RBM26: variants seen among roughly 807,000 people sequenced by gnomAD.
RBM26 encodes the protein RNA binding motif protein 26.
RBM26 carries 30 observed loss-of-function variants against 123.6 expected under a neutral mutation model. The ratio of observed to expected loss-of-function variants is 0.24; its 90% confidence interval spans 0.18 to 0.33. RBM26 has a LOEUF of 0.33. Among genes scored for constraint, RBM26 ranks in the 10% least tolerant of loss-of-function variants. RBM26 has a pLI of 1.00. For missense variants in RBM26, 947 were observed against 1,203.6 expected (o/e 0.79, Z 3.15); for synonymous variants, 400 against 404.4 (o/e 0.99, Z 0.13).
chr13:79,343,026 G>A (rs1264377010), intron 16 of RBM26, among the ~76,000 whole-genome samples, 195 bp from the exon 17 acceptor site: 1 of 151,560 alleles, frequency 6.6e-6, no homozygotes, highest in Non-Finnish European at 1.5e-5. Flanking sequence ...CTCAACTCAA[G>A]TTTTACTCTT....
intron 1 of RBM26, among the ~76,000 whole-genome samples, chr13:79,382,796 TAG>T (rs1324474597): frequency 2.0e-5 from 3 of 152,150 alleles, no homozygotes; most frequent in Admixed American, 6.6e-5. Context: ...TCCTATGCAG[TAG>T]AGTGTTAGTG....
intron 3 of RBM26, among the ~76,000 whole-genome samples, chr13:79,373,188 TATATAAAATATATAAAA>T (rs1472493743): frequency 9.2e-6 from 1 of 109,268 alleles, no homozygotes; most frequent in Non-Finnish European, 1.7e-5. Flanking sequence ...TTTATATAAA[TATATAAAATATATAAAA>T]ATATATAAAT....
intron 20 of RBM26, among the ~76,000 whole-genome samples, chr13:79,331,185 G>A (rs548587123): frequency 1.0e-3 from 156 of 152,128 alleles, no homozygotes; most frequent in Non-Finnish European, 1.9e-3. Context: ...TGATTTTTTG[G>A]TAGAGATGGG....
intron 1 of RBM26, among the ~76,000 whole-genome samples, chr13:79,403,090 CA>C (rs1214237865): frequency 0.011 from 1,336 of 120,526 alleles, 8 homozygotes; most frequent in African/African-American, 0.021. Flanking sequence ...AATGTTAAAG[CA>C]AAAAAAAAAA....
intron 1 of RBM26, among the ~76,000 whole-genome samples, chr13:79,402,140 A>AATT (rs983500387): frequency 2.6e-5 from 4 of 152,088 alleles, no homozygotes; most frequent in African/African-American, 7.2e-5. Context: ...AAAGGAGCTT[A>AATT]ATTTTTTTTT....
intron 20 of RBM26, among the ~76,000 whole-genome samples, chr13:79,325,362 CTG>C (rs2068224943): frequency 1.3e-5 from 2 of 151,924 alleles, no homozygotes; most frequent in Non-Finnish European, 2.9e-5. Flanking sequence ...CCTATGACAG[CTG>C]TGTGTGTGTT....
chr13:79,398,901 A>T (rs976554386), intron 1 of RBM26, among the ~76,000 whole-genome samples: 1 of 152,194 alleles, frequency 6.6e-6, no homozygotes, highest in Non-Finnish European at 1.5e-5. Flanking sequence ...TTGAAATTTC[A>T]ACTAACGCAT....
chr13:79,328,261 T>G (rs2068737536), intron 20 of RBM26, among the ~76,000 whole-genome samples: 1 of 152,056 alleles, frequency 6.6e-6, no homozygotes, highest in African/African-American at 2.4e-5. Flanking sequence ...GAAAGCTAGT[T>G]TAATTAAAAC....
At chr13:79,321,011 G>A (rs2067605751) in intron 21 of RBM26, among the ~76,000 whole-genome samples, 1 of 150,854 alleles carries the variant, frequency 6.6e-6, no homozygotes, top group Non-Finnish European at 1.5e-5. Flanking sequence ...TTAAAATATT[G>A]GTCAAACTTT....
chr13:79,381,485 ACT>A (rs2140268818), intron 1 of RBM26, among the ~76,000 whole-genome samples: 1 of 152,070 alleles, frequency 6.6e-6, no homozygotes, highest in Admixed American at 6.6e-5. Context: ...TTCAGTCTAC[ACT>A]GAGTCTAAAT....
At chr13:79,362,466 C>G (rs901897032) in intron 9 of RBM26, among the ~76,000 whole-genome samples, 2 of 152,136 alleles carry the variant, frequency 1.3e-5, no homozygotes, top group Admixed American at 1.3e-4. Flanking sequence ...CTTACAGTCA[C>G]AAAATTCCTT....
intron 9 of RBM26, among the ~76,000 whole-genome samples, chr13:79,363,889 A>G (rs150840590): frequency 6.6e-6 from 1 of 152,340 alleles, no homozygotes; most frequent in Non-Finnish European, 1.5e-5. Flanking sequence ...GTAAAATGTT[A>G]ATTGAAGTGG....
chr13:79,348,316 C>CCT (rs1184549624), intron 14 of RBM26, among the ~76,000 whole-genome samples: 1 of 151,994 alleles, frequency 6.6e-6, no homozygotes, highest in Non-Finnish European at 1.5e-5. Flanking sequence ...AGCACTAATA[C>CCT]CTCTTATTTT....
intron 1 of RBM26, among the ~76,000 whole-genome samples, chr13:79,403,476 G>A (rs931632650): frequency 7.2e-5 from 11 of 152,142 alleles, no homozygotes; most frequent in African/African-American, 2.7e-4. Flanking sequence ...GGAGGGATAC[G>A]GCAGTAAATC....
Position 79,366,160 on chromosome 13 carries a change from C to T in RBM26, c.1171G>A (p.Gly391Ser). Residue 391 changes from glycine (G) to serine (S), a missense_variant, in exon 8 of 22, where the codon GGC becomes AGC. This residue lies in a region of RBM26 where 493 missense variants were observed against 563.1 expected (regional missense o/e 0.88). Coordinates refer to ENST00000438737, the MANE Select transcript of RBM26 (RefSeq NM_001366735.2). ...PPPLPPLQPS[G>S]MDAPPNSATS... ...GCAGAGTTTGGAGGAGCATCCATGC[C>T]AGATGGCTGCAAAGGAGGAAGTGGA... The T allele has an allele frequency of 6.2e-7, 1 of 1,613,496 alleles. No individual in the cohort carries two copies. The highest frequency in any genetic ancestry group is 2.2e-5 in the East Asian group (1 of 44,858).
rs2070604784 is a variant in RBM26, at chr13:79,337,275, C to A, written c.2560G>T (p.Gly854Cys). The stretch of plus-strand genomic sequence containing the variant: ...CTTGAATGAATTCCTCTGCCCCGAC[C>A]AGATGAAAGAATCCCTCGTTTGGCA... ...EAAKRGILSSGRGRGIHSRGR... is the reference protein window; with the variant it reads ...EAAKRGILSSCRGRGIHSRGR... Residue 854 changes from glycine to cysteine, a missense_variant, in exon 19 of 22, where the codon GGT becomes TGT. Transcript: ENST00000438737. 5.6e-6 allele frequency: 9 copies of A among 1,613,988 alleles called. No homozygotes were observed. The highest frequency in any genetic ancestry group is 8.5e-7 in the Non-Finnish European group (1 of 1,180,008).
At chr13:79,340,185 ACT>A (rs2071130345) in intron 18 of RBM26, among the ~76,000 whole-genome samples, 1 of 151,990 alleles carries the variant, frequency 6.6e-6, no homozygotes, top group Admixed American at 6.5e-5. Flanking sequence ...CAAAAAAAAT[ACT>A]GGGCAGGACA....
intron 1 of RBM26, among the ~76,000 whole-genome samples, chr13:79,385,292 T>C (rs886732799): frequency 6.6e-6 from 1 of 152,196 alleles, no homozygotes; most frequent in African/African-American, 2.4e-5. Flanking sequence ...AGATTACTTA[T>C]ATACAGTAAT....
chr13:79,342,643 A>C (rs1464990840), intron 17 of RBM26, 21 bp downstream of exon 17: 1 of 1,440,958 alleles, frequency 6.9e-7, no homozygotes, highest in Non-Finnish European at 9.2e-7. Context: ...TAATAATATG[A>C]ACAACAATGA....
Sources: allele counts gnomAD v4.1 joint callset (sites outside exome capture counted in the v4.1 genomes callset), GRCh38; gene constraint gnomAD v4.1.1; regional missense constraint gnomAD v4.1.1; transcripts MANE v1.5; gene names NCBI Gene and HGNC (gene_info 2026-07-23, HGNC 2026-07-21).